TGFBR2: variants seen among roughly 807,000 people sequenced by gnomAD.
The protein encoded by TGFBR2 is transforming growth factor beta receptor 2.
TGFBR2 carries 18 observed loss-of-function variants against 49.0 expected under a neutral mutation model. The observed-to-expected ratio is 0.37, with a 90% CI of 0.25 to 0.54. The LOEUF is 0.54. Ranked by LOEUF, TGFBR2 falls within the 20% of genes least tolerant of loss-of-function variation. The probability of loss-of-function intolerance (pLI) is 0.85; values close to 1 mark genes in which losing one functional copy is unlikely to be tolerated. For synonymous variants in TGFBR2, 282 were observed against 275.9 expected (o/e 1.02, Z -0.22); for missense variants, 525 against 722.6 (o/e 0.73, Z 3.13).
intron 6 of TGFBR2, among the ~76,000 whole-genome samples, chr3:30,690,991 G>T (rs1699698594): frequency 6.6e-6 from 1 of 152,182 alleles, no homozygotes; most frequent in Non-Finnish European, 1.5e-5. Context: ...TGGGGAAGGG[G>T]TTTTGTGAAA....
At chr3:30,621,572 C>A (rs1698232939) in intron 1 of TGFBR2, among the ~76,000 whole-genome samples, 1 of 152,164 alleles carries the variant, frequency 6.6e-6, no homozygotes, top group Non-Finnish European at 1.5e-5. Flanking sequence ...TGGGCCACTG[C>A]ACCTGACCAG....
chr3:30,642,186 G>A (rs143878355), intron 1 of TGFBR2, among the ~76,000 whole-genome samples: 204 of 152,234 alleles, frequency 1.3e-3, no homozygotes, highest in African/African-American at 4.7e-3. Context: ...TTCTATCTGA[G>A]GTGTGAAAGA....
intron 1 of TGFBR2, among the ~76,000 whole-genome samples, chr3:30,628,389 A>G (rs959912702): frequency 4.0e-5 from 6 of 151,150 alleles, no homozygotes; most frequent in African/African-American, 1.2e-4. Flanking sequence ...CCCTGAAGGC[A>G]TTTGGATTTT....
intron 1 of TGFBR2, among the ~76,000 whole-genome samples, chr3:30,635,509 A>G (rs1375255553): frequency 6.6e-6 from 1 of 152,212 alleles, no homozygotes; most frequent in African/African-American, 2.4e-5. Context: ...AAAGGATGCA[A>G]TTGAAATTCC....
rs1699450648 is a variant in TGFBR2 at position 30,676,953 on chromosome 3, A to G, written c.1396+2707A>G. 6.6e-6 allele frequency among the ~76,000 whole-genome samples: 1 copy of G among 152,194 alleles called. No individual in the cohort carries two copies. The highest frequency in any genetic ancestry group is 2.1e-4 in the South Asian group (1 of 4,834). ...AATAATTTTATGCTTGAAAGCTTTG[A>G]CAGTTCCAAAATGAATCTTTAGCCG... is the stretch of plus-strand genomic sequence containing the variant. On this transcript the variant is annotated intron_variant, in intron 5 of 6. Coordinates refer to ENST00000295754, the MANE Select transcript of TGFBR2 (RefSeq NM_003242.6). This position sits in a 1 kb window ranked among gnomAD's most constrained non-coding sequence, Gnocchi z 4.3.
chr3:30,658,179 G>A (rs962595569), intron 3 of TGFBR2, among the ~76,000 whole-genome samples: 2 of 152,208 alleles, frequency 1.3e-5, no homozygotes, highest in African/African-American at 4.8e-5. Context: ...CCCTGATAGA[G>A]ATATTCATGG....
At chr3:30,633,458 G>A (rs1213773622) in intron 1 of TGFBR2, among the ~76,000 whole-genome samples, 1 of 152,180 alleles carries the variant, frequency 6.6e-6, no homozygotes, top group Non-Finnish European at 1.5e-5. Context: ...TCATATTAGA[G>A]AGTTAAATCA....
intron 5 of TGFBR2, among the ~76,000 whole-genome samples, chr3:30,679,297 A>G (rs761370115): frequency 3.9e-5 from 6 of 152,198 alleles, no homozygotes; most frequent in Admixed American, 6.5e-5. Context: ...TTAAAGGAAG[A>G]GGAAGACTCT....
At chr3:30,639,650 T>C (rs540600315) in intron 1 of TGFBR2, among the ~76,000 whole-genome samples, 10 of 152,326 alleles carry the variant, frequency 6.6e-5, no homozygotes, top group African/African-American at 2.2e-4. Context: ...TTCTTTGAGA[T>C]GTTATTTAAT....
At chr3:30,670,132 C>T (rs551578873) in intron 3 of TGFBR2, among the ~76,000 whole-genome samples, 2 of 152,164 alleles carry the variant, frequency 1.3e-5, no homozygotes, top group East Asian at 3.9e-4. Context: ...GGGATAATTG[C>T]TCTTCCTTAA....
intron 2 of TGFBR2, among the ~76,000 whole-genome samples, chr3:30,648,281 G>T (rs907071556): frequency 1.3e-5 from 2 of 152,104 alleles, no homozygotes; most frequent in African/African-American, 4.8e-5. Context: ...TGGAAGAGCT[G>T]CCCAATAATT....
chr3:30,635,350 C>CA (rs1451311833), intron 1 of TGFBR2, among the ~76,000 whole-genome samples: 2 of 152,042 alleles, frequency 1.3e-5, no homozygotes, highest in Non-Finnish European at 2.9e-5. Context: ...CAAAAACAAA[C>CA]AAAAAACAGA....
In TGFBR2 at chr3:30,621,758, T is replaced by TAC. The variant is rs1698235988; in HGVS notation, c.94+14783_94+14784dup. ...CGTTTGTGGTAAGTAGATAATCACT[T>TAC]ACATTATTCAGCACTTTACAAAGCA... On this transcript the variant is annotated intron_variant, in intron 1 of 6. Transcript: ENST00000295754. Among the ~76,000 whole-genome samples the TAC allele has an allele frequency of 5.9e-5, 9 of 152,326 alleles. No individual in the cohort carries two copies. In the South Asian group the frequency reaches 1.9e-3, roughly 32 times the overall value.
At chr3:30,647,681 A>ATTATTG (rs1292208892) in intron 2 of TGFBR2, among the ~76,000 whole-genome samples, 4 of 151,792 alleles carry the variant, frequency 2.6e-5, no homozygotes, top group African/African-American at 9.7e-5. Flanking sequence ...TATTATTATT[A>ATTATTG]TTATTTTTAA....
intron 5 of TGFBR2, 151 bp from the exon 6 acceptor site, chr3:30,688,233 C>A: frequency 1.0e-6 from 1 of 970,376 alleles, no homozygotes. Context: ...CTTATCTTAG[C>A]CATTATTATT....
intron 3 of TGFBR2, among the ~76,000 whole-genome samples, chr3:30,650,696 C>A (rs149846011): frequency 1.5e-4 from 23 of 152,288 alleles, no homozygotes; most frequent in African/African-American, 4.6e-4. Context: ...TAGTTTCTTT[C>A]ACCTAGAGCA....
chr3:30,641,491 T>C (rs917022714), intron 1 of TGFBR2, among the ~76,000 whole-genome samples: 5 of 152,172 alleles, frequency 3.3e-5, no homozygotes, highest in Admixed American at 3.3e-4. Flanking sequence ...CGATGGCTGG[T>C]GCTGAACATG....
chr3:30,664,570 A>G (rs1365620818), intron 3 of TGFBR2, among the ~76,000 whole-genome samples: 2 of 152,276 alleles, frequency 1.3e-5, no homozygotes, highest in Non-Finnish European at 2.9e-5. Flanking sequence ...AACTGGCAGA[A>G]AACCTCAAGG....
chr3:30,635,247 A>G (rs1698507437), intron 1 of TGFBR2, among the ~76,000 whole-genome samples: 1 of 152,352 alleles, frequency 6.6e-6, no homozygotes, highest in East Asian at 1.9e-4. Context: ...AACAATGTGT[A>G]GATATTTCCA....
Sources: gnomAD v4.1 joint callset for allele counts (sites outside exome capture counted in the v4.1 genomes callset) on GRCh38, gnomAD v4.1.1 for gene constraint, Gnocchi (gnomAD v3.1) non-coding constraint, MANE v1.5 for transcripts, NCBI Gene and HGNC (gene_info 2026-07-23, HGNC 2026-07-21) for gene names.